Variants in CSGALNACT1 observed in about 807,000 individuals in gnomAD.
CSGALNACT1 encodes beta4GalNAcT-1.
In CSGALNACT1, 52 loss-of-function variants were observed where a neutral mutation model predicts 51.0. That is an observed-to-expected ratio of 1.02 (90% CI 0.82 to 1.29). The LOEUF is 1.29. Ranked by LOEUF, CSGALNACT1 falls within the 50% of genes most tolerant of loss-of-function variation. The pLI, the probability that CSGALNACT1 is intolerant of heterozygous loss-of-function variation, is 0.00. For synonymous variants in CSGALNACT1, 341 were observed against 254.4 expected (o/e 1.34, Z -3.24); for missense variants, 935 against 679.2 (o/e 1.38, Z -4.19).
chr8:19,682,076 G>A (rs1026211003), intron 1 of CSGALNACT1, among the ~76,000 whole-genome samples: 1 of 152,186 alleles, frequency 6.6e-6, no homozygotes, highest in Non-Finnish European at 1.5e-5. Context: ...AGAAACTTGA[G>A]GAGTCTGAGA....
chr8:19,468,222 A>G (rs867031777), intron 4 of CSGALNACT1, among the ~76,000 whole-genome samples: 1 of 152,188 alleles, frequency 6.6e-6, no homozygotes, highest in Non-Finnish European at 1.5e-5. Context: ...GGCCAAGACA[A>G]CAACATCAGA....
At chr8:19,460,946 G>C (rs781230700) in intron 4 of CSGALNACT1, among the ~76,000 whole-genome samples, 5 of 151,976 alleles carry the variant, frequency 3.3e-5, no homozygotes, top group Admixed American at 6.6e-5. Flanking sequence ...AGGTAGTCTC[G>C]TGTCTCCCTG....
At chr8:19,613,496 G>C (rs2052588123) in intron 1 of CSGALNACT1, among the ~76,000 whole-genome samples, 1 of 152,140 alleles carries the variant, frequency 6.6e-6, no homozygotes, top group African/African-American at 2.4e-5. Flanking sequence ...ACTGAGTCCA[G>C]ATATCTGTCA....
intron 1 of CSGALNACT1, among the ~76,000 whole-genome samples, chr8:19,643,153 A>T (rs541072274): frequency 2.0e-5 from 3 of 152,238 alleles, no homozygotes; most frequent in Admixed American, 2.0e-4. Context: ...TATATTATGA[A>T]CTATTAATAC....
At chr8:19,427,567 T>G (rs1428971289) in intron 6 of CSGALNACT1, among the ~76,000 whole-genome samples, 1 of 151,964 alleles carries the variant, frequency 6.6e-6, no homozygotes, top group Non-Finnish European at 1.5e-5. Context: ...GGCGGGCGGA[T>G]CACGAGGTCA....
chr8:19,559,900 T>C (rs547960559), intron 3 of CSGALNACT1, among the ~76,000 whole-genome samples: 4 of 152,318 alleles, frequency 2.6e-5, no homozygotes, highest in East Asian at 1.9e-4. Context: ...ACTAAGTTGA[T>C]TGTAAAATTG....
intron 1 of CSGALNACT1, among the ~76,000 whole-genome samples, chr8:19,674,079 G>C (rs2154199530): frequency 6.6e-6 from 1 of 152,312 alleles, no homozygotes; most frequent in Non-Finnish European, 1.5e-5. Flanking sequence ...CTTAAGGTCA[G>C]GACTTCAAGA....
chr8:19,676,327 G>C (rs1224300986), intron 1 of CSGALNACT1, among the ~76,000 whole-genome samples: 1 of 152,100 alleles, frequency 6.6e-6, no homozygotes, highest in Non-Finnish European at 1.5e-5. Flanking sequence ...TAAGGCAAAT[G>C]CTCTTGAAAT....
At chr8:19,638,095 T>C (rs1011468765) in intron 1 of CSGALNACT1, among the ~76,000 whole-genome samples, 3 of 148,190 alleles carry the variant, frequency 2.0e-5, no homozygotes, top group South Asian at 2.2e-4. Flanking sequence ...TGTTAGTCTC[T>C]TGAAACCAAC....
At chr8:19,543,790 G>C (rs1020038475) in intron 3 of CSGALNACT1, among the ~76,000 whole-genome samples, 6 of 152,142 alleles carry the variant, frequency 3.9e-5, no homozygotes, top group African/African-American at 1.4e-4. Flanking sequence ...AATAATAACT[G>C]TAAGTGCAAC....
chr8:19,492,027 T>C (rs2074457106), intron 4 of CSGALNACT1, among the ~76,000 whole-genome samples: 1 of 152,230 alleles, frequency 6.6e-6, no homozygotes, highest in Non-Finnish European at 1.5e-5. Context: ...ACCATAAACA[T>C]ATTCATAACT....
intron 5 of CSGALNACT1, among the ~76,000 whole-genome samples, chr8:19,454,028 G>C (rs979771938): frequency 6.6e-6 from 1 of 152,170 alleles, no homozygotes; most frequent in African/African-American, 2.4e-5. Flanking sequence ...CAGGCATTCT[G>C]GCAAAAGCCG....
intron 3 of CSGALNACT1, among the ~76,000 whole-genome samples, chr8:19,562,108 C>G (rs1457719074): frequency 6.6e-6 from 1 of 152,186 alleles, no homozygotes; most frequent in Non-Finnish European, 1.5e-5. Context: ...TGGTCCCACT[C>G]TGAGCACCAC....
intron 1 of CSGALNACT1, among the ~76,000 whole-genome samples, chr8:19,713,264 C>T (rs749991372): frequency 1.3e-5 from 2 of 152,160 alleles, no homozygotes; most frequent in Admixed American, 1.3e-4. Flanking sequence ...AAAGATATAA[C>T]TTGTTTGAAG....
In CSGALNACT1 at chr8:19,408,977, C is replaced by CACACACACACACACACACACACACAA. The variant is rs1319492249; in HGVS notation, c.1228-284_1228-283insTTGTGTGTGTGTGTGTGTGTGTGTGT. Among the ~76,000 whole-genome samples, 7 of 151,672 alleles carry CACACACACACACACACACACACACAA rather than the reference C, an allele frequency of 4.6e-5. No homozygotes were observed. In the East Asian group the frequency reaches 5.8e-4, roughly 13 times the overall value. ...ACACACACACACACACACACACACA[C>CACACACACACACACACACACACACAA]AATCAAAAACAAAAACCGGGAGAGC... On this transcript the variant is annotated intron_variant, in intron 8 of 9. Transcript: ENST00000454498.
In CSGALNACT1 at chr8:19,575,323, A is replaced by C. The variant is rs1004001376; in HGVS notation, c.-297+15837T>G. The stretch of plus-strand genomic sequence containing the variant: ...ACCTTAATTCTCAGTCCATCCCAGA[A>C]CACTTAATTTTTTGGGTTATGAAAA... On this transcript the variant is annotated intron_variant, in intron 3 of 9. Transcript: ENST00000454498. Among the ~76,000 whole-genome samples the C allele has an allele frequency of 4.6e-5, 7 of 152,190 alleles. No homozygotes were observed. In the East Asian group the frequency reaches 1.3e-3, roughly 29 times the overall value.
chr8:19,644,603 G>A (rs1329331891), intron 1 of CSGALNACT1, among the ~76,000 whole-genome samples: 1 of 151,076 alleles, frequency 6.6e-6, no homozygotes, highest in Non-Finnish European at 1.5e-5. Context: ...CCAGCTACTT[G>A]GGAGACTGAG....
At chr8:19,611,933 T>C (rs2052325818) in intron 1 of CSGALNACT1, among the ~76,000 whole-genome samples, 1 of 151,904 alleles carries the variant, frequency 6.6e-6, no homozygotes, top group African/African-American at 2.4e-5. Flanking sequence ...TCTGTTGCCT[T>C]TATGGTGAAA....
chr8:19,432,613 CTTTTTTCTGT>C (rs1473441292), intron 6 of CSGALNACT1, among the ~76,000 whole-genome samples: 1 of 151,460 alleles, frequency 6.6e-6, no homozygotes, highest in Non-Finnish European at 1.5e-5. Flanking sequence ...TTTCTTCATT[CTTTTTTCTGT>C]TTTTTTCTGA....
Sources: gnomAD v4.1 joint callset for allele counts (sites outside exome capture counted in the v4.1 genomes callset) on GRCh38, gnomAD v4.1.1 for gene constraint, MANE v1.5 for transcripts, NCBI Gene and HGNC (gene_info 2026-07-23, HGNC 2026-07-21) for gene names.